Variants in TENM3 observed in about 807,000 individuals in gnomAD.
The protein encoded by TENM3 is teneurin transmembrane protein 3.
A neutral mutation model predicts 255.1 loss-of-function variants in TENM3; 63 were observed. The observed-to-expected ratio is 0.25, with a 90% CI of 0.20 to 0.30. The LOEUF (loss-of-function observed/expected upper bound fraction) is 0.30, where lower values mean the gene tolerates loss of function less well. TENM3 is among the 10% of genes least tolerant of loss of function. The probability of loss-of-function intolerance (pLI) is 1.00; values close to 1 mark genes in which losing one functional copy is unlikely to be tolerated. For missense variants in TENM3, 2,929 were observed against 3,461.1 expected (o/e 0.85, Z 3.86); for synonymous variants, 1,306 against 1,322.3 (o/e 0.99, Z 0.27).
the TENM3 span, among the ~76,000 whole-genome samples, chr4:181,658,128 C>T: frequency 1.3e-5 from 2 of 152,080 alleles, no homozygotes; most frequent in East Asian, 3.9e-4. Flanking sequence ...TGCACATGTA[C>T]TCTCTGAATC....
At chr4:182,115,313 G>A in the TENM3 span, among the ~76,000 whole-genome samples, 1 of 152,158 alleles carries the variant, frequency 6.6e-6, no homozygotes, top group African/African-American at 2.4e-5. Flanking sequence ...CTTGGTGCTG[G>A]AAGCAGAAAA....
At chr4:181,995,263 C>A in the TENM3 span, among the ~76,000 whole-genome samples, 1 of 151,560 alleles carries the variant, frequency 6.6e-6, no homozygotes, top group Non-Finnish European at 1.5e-5. Flanking sequence ...GCACTCCAGC[C>A]TGGGTGACAG....
chr4:182,451,759 G>A (rs1314001250), intron 3 of TENM3, among the ~76,000 whole-genome samples: 1 of 152,122 alleles, frequency 6.6e-6, no homozygotes, highest in Admixed American at 6.6e-5. Flanking sequence ...GATTTAACAA[G>A]ACTCATTCAA....
chr4:181,664,424 C>T, the TENM3 span, among the ~76,000 whole-genome samples: 10 of 151,318 alleles, frequency 6.6e-5, no homozygotes, highest in African/African-American at 2.2e-4. Context: ...GGGCCCAGGT[C>T]GCACCACTGC....
At chr4:182,299,515 T>C (rs1561295747) in intron 1 of TENM3, among the ~76,000 whole-genome samples, 1 of 152,194 alleles carries the variant, frequency 6.6e-6, no homozygotes, top group Non-Finnish European at 1.5e-5. Flanking sequence ...GCTGCTTATC[T>C]TTGCTCATGT....
At chr4:182,685,565 A>C in intron 11 of TENM3, among the ~76,000 whole-genome samples, 1 of 152,168 alleles carries the variant, frequency 6.6e-6, no homozygotes. Flanking sequence ...ATAAGCATTT[A>C]GTGTTTTCTG....
rs148851670 is a variant in TENM3 at position 182,193,304 on chromosome 4, G to C, written c.-76+48550G>C. Among the ~76,000 whole-genome samples the C allele has an allele frequency of 9.4e-3, 1,424 of 152,262 alleles. 11 individuals are homozygous for C. Among genetic ancestry groups the C allele is most frequent in the Middle Eastern group, 0.014 (4 of 294 alleles). ...GTATTCAGACTGACTGTGTTTCCCA[G>C]CCTCTCCTTTGCCCGTTATATGTTC... On this transcript the variant is annotated intron_variant, in intron 1 of 2. Transcript: ENST00000512480.
At chr4:182,069,027 G>T in the TENM3 span, among the ~76,000 whole-genome samples, 2 of 151,938 alleles carry the variant, frequency 1.3e-5, no homozygotes, top group African/African-American at 4.8e-5. Flanking sequence ...ATAACAAAAT[G>T]AAATAAAACA....
the TENM3 span, among the ~76,000 whole-genome samples, chr4:181,763,458 G>A: frequency 6.6e-6 from 1 of 152,008 alleles, no homozygotes. Context: ...TTTTTATATG[G>A]CCCATGAGCT....
At chr4:182,705,504 A>G (rs1185732591) in intron 12 of TENM3, among the ~76,000 whole-genome samples, 1 of 152,206 alleles carries the variant, frequency 6.6e-6, no homozygotes, top group Admixed American at 6.5e-5. Context: ...AGCGGAAACA[A>G]TGTGAGTTGT....
intron 3 of TENM3, among the ~76,000 whole-genome samples, chr4:182,436,472 T>C (rs1258864069): frequency 6.6e-6 from 1 of 152,178 alleles, no homozygotes; most frequent in Non-Finnish European, 1.5e-5. Flanking sequence ...GTTAGGAAAC[T>C]GGTGATGCGC....
chr4:182,556,286 G>A (rs557462058), intron 3 of TENM3, among the ~76,000 whole-genome samples: 1 of 152,314 alleles, frequency 6.6e-6, no homozygotes, highest in South Asian at 2.1e-4. Flanking sequence ...CTCATTCTTG[G>A]TTGCTTAAGC....
intron 3 of TENM3, among the ~76,000 whole-genome samples, chr4:182,469,236 G>C (rs930986150): frequency 3.3e-5 from 5 of 152,104 alleles, no homozygotes; most frequent in African/African-American, 1.2e-4. Context: ...CTCTGTTTTA[G>C]TGTTAGTCTC....
rs142205056 is a variant in TENM3 at position 182,636,780 on chromosome 4, A to G, written c.988+7891A>G. 4.6e-3 allele frequency among the ~76,000 whole-genome samples: 705 copies of G among 152,256 alleles called. 3 individuals are homozygous for G. The highest frequency in any genetic ancestry group is 7.3e-3 in the Admixed American group (111 of 15,298). On this transcript the variant is annotated intron_variant, in intron 5 of 27. Coordinates refer to ENST00000511685, the MANE Select transcript of TENM3 (RefSeq NM_001080477.4). The stretch of plus-strand genomic sequence containing the variant: ...CTTAAACAGATTGTGTTTACCATTT[A>G]AATATAGGGATCTCTCTGACTTGAA...
the TENM3 span, among the ~76,000 whole-genome samples, chr4:181,493,110 C>T: frequency 3.9e-5 from 6 of 151,904 alleles, no homozygotes; most frequent in East Asian, 1.2e-3. Context: ...GGATTATCTT[C>T]CCTAGATAAG....
At chr4:182,606,382 G>T (rs1347986929) in intron 4 of TENM3, among the ~76,000 whole-genome samples, 1 of 152,022 alleles carries the variant, frequency 6.6e-6, no homozygotes, top group Non-Finnish European at 1.5e-5. Context: ...AAATTAGCCA[G>T]GCGGGGTGGT....
At chr4:182,068,194 G>A in the TENM3 span, among the ~76,000 whole-genome samples, 2 of 152,024 alleles carry the variant, frequency 1.3e-5, no homozygotes, top group Admixed American at 6.5e-5. Flanking sequence ...AACCCTTTGC[G>A]GATAGAATAA....
At position 182,289,005 on chromosome 4, in the gene TENM3, G is replaced by A. The variant is rs577446100; in HGVS notation, c.-75-34941G>A. On this transcript the variant is annotated intron_variant, in intron 1 of 27. Transcript: ENST00000511685. ...TTTGGGAGGTTGAGGCAGGAGGATC[G>A]CTTGAATCCAGGAGATGGAGACTAG... Among the ~76,000 whole-genome samples the A allele has an allele frequency of 9.9e-5, 15 of 152,194 alleles. 1 individual carries two copies. In the South Asian group the frequency reaches 1.5e-3, roughly 15 times the overall value.
At chr4:182,021,935 G>T in the TENM3 span, among the ~76,000 whole-genome samples, 4 of 152,238 alleles carry the variant, frequency 2.6e-5, no homozygotes, top group Non-Finnish European at 5.9e-5. Context: ...CTTATACATT[G>T]TTAGTGGAAA....
Sources: allele counts gnomAD v4.1 joint callset (sites outside exome capture counted in the v4.1 genomes callset), GRCh38; gene constraint gnomAD v4.1.1; transcripts MANE v1.5; gene names NCBI Gene and HGNC (gene_info 2026-07-23, HGNC 2026-07-21).